The following FNIP2 variants were observed in gnomAD, a reference collection of about 807,000 sequenced individuals.
FNIP2 encodes the protein folliculin interacting protein 2.
FNIP2 carries 32 observed loss-of-function variants against 108.7 expected under a neutral mutation model. The observed-to-expected ratio is 0.29, with a 90% CI of 0.22 to 0.40. The LOEUF (loss-of-function observed/expected upper bound fraction) is 0.40. FNIP2 is among the 10% of genes least tolerant of loss of function. The pLI is 1.00. For synonymous variants in FNIP2, 480 were observed against 496.7 expected, an observed-to-expected ratio of 0.97 and a Z score of 0.45; for missense variants, 1,202 against 1,381.6, an observed-to-expected ratio of 0.87 and a Z score of 2.06.
chr4:158,830,412 G>A lies in FNIP2; in HGVS notation c.381+1187G>A, dbSNP rs1474903354. 7.2e-5 allele frequency among the ~76,000 whole-genome samples: 11 copies of A among 151,806 alleles called. No homozygotes were observed. The South Asian group carries it at 8.3e-4, about 11-fold the overall frequency. ...CGAGCAGCTGGGACTACAGGCGCCC[G>A]CCACCGCGCCCGGCTAATTTTTTGT... On this transcript the variant is annotated intron_variant, in intron 3 of 16. Coordinates refer to ENST00000264433, the MANE Select transcript of FNIP2 (RefSeq NM_020840.3).
chr4:158,846,418 C>T (rs753543280), intron 7 of FNIP2, among the ~76,000 whole-genome samples: 2 of 151,940 alleles, frequency 1.3e-5, no homozygotes, highest in African/African-American at 2.4e-5. Flanking sequence ...TTATTGTCCC[C>T]GTTTTACAGA....
rs769723325 is a variant in FNIP2 at position 158,851,443 on chromosome 4, C to G, written c.850C>G (p.Pro284Ala). 37 of 1,613,692 alleles carry G rather than the reference C, an allele frequency of 2.3e-5. No individual in the cohort carries two copies. The highest frequency in any genetic ancestry group is 2.5e-5 in the Non-Finnish European group (29 of 1,179,830). Residue 284 changes from proline to alanine, a missense_variant, in exon 8 of 17, where the codon CCA (proline) becomes GCA (alanine). By Grantham distance (27) the Pro-to-Ala change is conservative (BLOSUM62 -1). Around this residue, in one of 5 missense-constraint regions of FNIP2, gnomAD observed 878 missense variants for 990.3 expected, o/e 0.89. Coordinates refer to ENST00000264433, the MANE Select transcript of FNIP2 (RefSeq NM_020840.3). ...QTTSLENGII[P>A]RRSTDETFSL... ...AACAAGTTTGGAAAATGGCATCATC[C>G]CAAGAAGGTGAGTTGCAAGTTTCCT...
intron 1 of FNIP2, among the ~76,000 whole-genome samples, chr4:158,772,154 A>G (rs1775718114): frequency 6.6e-6 from 1 of 152,196 alleles, no homozygotes; most frequent in East Asian, 1.9e-4. Flanking sequence ...CCAAACTTAC[A>G]TGTTTGGGAG....
intron 16 of FNIP2, 136 bp downstream of exon 16, chr4:158,896,001 C>T (rs184840625): frequency 1.8e-5 from 11 of 627,856 alleles, no homozygotes; most frequent in Admixed American, 1.0e-4. Flanking sequence ...CCATCAGATA[C>T]GTGCCTCTGC....
At chr4:158,893,732 A>C (rs1318220978) in intron 15 of FNIP2, 2 of 1,556,300 alleles carry the variant, frequency 1.3e-6, no homozygotes, top group Admixed American at 3.7e-5. Flanking sequence ...AAGAGAAGTA[A>C]TGTATATTAG....
chr4:158,834,301 T>TCTCTCTCTCTCC (rs1778659492), intron 6 of FNIP2: 1 of 145,574 alleles, frequency 6.9e-6, no homozygotes, highest in African/African-American at 2.6e-5. Context: ...TCTCTCTCTC[T>TCTCTCTCTCTCC]CTCTCTCTCT....
Position 158,870,388 on chromosome 4 carries a change from GC to G in FNIP2, c.2870del (p.Pro957LeufsTer14). ...TGGCGGGCTACTGCCCCACATACAT[GC>G]CTGATCTTGTGCTTCATGGGACCGG... ...LLAGYCPTYM[P>X]DLVLHGTGSD... On this transcript the variant is annotated frameshift_variant, in exon 14 of 17. Transcript: ENST00000264433. LOFTEE classifies it high-confidence loss of function. The G allele has an allele frequency of 6.2e-7, 1 of 1,614,054 alleles. No individual in the cohort carries two copies. Among genetic ancestry groups the G allele is most frequent in the Non-Finnish European group, 8.5e-7 (1 of 1,179,900 alleles).
chr4:158,880,869 TCTC>T (rs915196149), intron 14 of FNIP2, among the ~76,000 whole-genome samples: 2 of 152,092 alleles, frequency 1.3e-5, no homozygotes, highest in African/African-American at 2.4e-5. Flanking sequence ...AGGTGGGTCT[TCTC>T]CTCTGAGGAG....
chr4:158,865,333 A>G (rs1279851805), intron 12 of FNIP2, among the ~76,000 whole-genome samples: 4 of 152,094 alleles, frequency 2.6e-5, no homozygotes, highest in African/African-American at 9.7e-5. Flanking sequence ...ATTATCCAAG[A>G]CTCAAAAAAA....
intron 12 of FNIP2, among the ~76,000 whole-genome samples, chr4:158,864,114 GC>G (rs1162782569): frequency 1.3e-5 from 2 of 152,114 alleles, no homozygotes; most frequent in Non-Finnish European, 2.9e-5. Flanking sequence ...GTTCACCACA[GC>G]CCCAACCACC....
intron 2 of FNIP2, among the ~76,000 whole-genome samples, chr4:158,827,393 G>C (rs1390044456): frequency 6.6e-6 from 1 of 152,220 alleles, no homozygotes; most frequent in Non-Finnish European, 1.5e-5. Flanking sequence ...AAAGGAACTG[G>C]AATCTTCAGT....
intron 1 of FNIP2, among the ~76,000 whole-genome samples, chr4:158,803,642 C>G (rs1776836980): frequency 6.6e-6 from 1 of 152,176 alleles, no homozygotes; most frequent in Non-Finnish European, 1.5e-5. Context: ...TACCCTATTA[C>G]ATTTTATCAG....
At chr4:158,820,070 G>C (rs758949023) in intron 1 of FNIP2, among the ~76,000 whole-genome samples, 1 of 152,172 alleles carries the variant, frequency 6.6e-6, no homozygotes, top group Non-Finnish European at 1.5e-5. Context: ...ATTTTTGCCA[G>C]TTTTTGTTGT....
intron 7 of FNIP2, chr4:158,836,129 C>G (rs1396204071): frequency 6.6e-6 from 1 of 152,152 alleles, no homozygotes; most frequent in Non-Finnish European, 1.5e-5. Context: ...ACAGGCAGCC[C>G]CTACCTTCCA....
chr4:158,858,970 T>C, intron 8 of FNIP2, 87 bp from the exon 9 acceptor site: 1 of 1,037,896 alleles, frequency 9.6e-7, no homozygotes. Flanking sequence ...GACTGAATGT[T>C]CTGGGTGTCA....
intron 1 of FNIP2, chr4:158,806,241 TC>T: frequency 7.8e-7 from 1 of 1,289,264 alleles, no homozygotes; most frequent in Non-Finnish European, 1.0e-6. Flanking sequence ...ATTAAACCGT[TC>T]AGGAGATGTG....
chr4:158,827,335 C>T (rs1778212583), intron 2 of FNIP2, among the ~76,000 whole-genome samples: 1 of 152,186 alleles, frequency 6.6e-6, no homozygotes, highest in African/African-American at 2.4e-5. Context: ...ATCACTGGGG[C>T]TGCTCATAGT....
intron 7 of FNIP2, among the ~76,000 whole-genome samples, chr4:158,839,475 C>G (rs952724257): frequency 6.6e-6 from 1 of 152,108 alleles, no homozygotes; most frequent in Non-Finnish European, 1.5e-5. Context: ...AAGGGATCCT[C>G]CCTCCTCAGC....
At chr4:158,854,589 G>C (rs1779882116) in intron 8 of FNIP2, among the ~76,000 whole-genome samples, 2 of 152,218 alleles carry the variant, frequency 1.3e-5, no homozygotes, top group African/African-American at 4.8e-5. Flanking sequence ...AGGTTAACAA[G>C]AGAGAAACAT....
Sources: gnomAD v4.1 joint callset for allele counts (sites outside exome capture counted in the v4.1 genomes callset) on GRCh38, gnomAD v4.1.1 for gene constraint, gnomAD v4.1.1 regional missense constraint, MANE v1.5 for transcripts, NCBI Gene and HGNC (gene_info 2026-07-23, HGNC 2026-07-21) for gene names.